Variants in DGKD observed in about 807,000 individuals in gnomAD.
DGKD encodes diacylglycerol kinase delta.
A neutral mutation model predicts 154.4 loss-of-function variants in DGKD; 68 were observed. The ratio of observed to expected loss-of-function variants is 0.44; its 90% CI spans 0.36 to 0.54. The LOEUF (loss-of-function observed/expected upper bound fraction) is 0.54. Among genes scored for constraint, DGKD ranks in the 20% least tolerant of loss-of-function variants. DGKD has a pLI of 0.00. For missense variants in DGKD, 1,343 were observed against 1,593.6 expected (o/e 0.84, Z 2.68); for synonymous variants, 693 against 638.0 (o/e 1.09, Z -1.30).
chr2:233,369,895 C>T (rs1702227410), intron 1 of DGKD, among the ~76,000 whole-genome samples: 1 of 152,160 alleles, frequency 6.6e-6, no homozygotes, highest in East Asian at 1.9e-4. Flanking sequence ...GTGTCTGCCT[C>T]CCTTTCCCCT....
rs891923220 is a variant in DGKD at position 233,470,836 on chromosome 2, G to A, written c.*1376G>A. The A allele has an allele frequency of 2.0e-5, 3 of 152,502 alleles. No individual in the cohort carries two copies. The South Asian group carries it at 6.2e-4, about 32-fold the overall frequency. 9.4% of individuals were successfully genotyped at this position (152,502 alleles called of 1,614,324 possible). ...CTCCCAAAGAGAAGGACAGTGTTGG[G>A]AGTATCTGCCGTGGCTTCTCTTTGG... On this transcript the variant is annotated 3_prime_UTR_variant, in exon 30 of 30. Transcript: ENST00000264057.
At chr2:233,415,979 A>G (rs1415671669) in intron 3 of DGKD, among the ~76,000 whole-genome samples, 2 of 152,170 alleles carry the variant, frequency 1.3e-5, no homozygotes, top group Non-Finnish European at 2.9e-5. Flanking sequence ...GAAAATAGAG[A>G]AAACCAGAGG....
At chr2:233,451,482 C>T (rs1244085676) in intron 17 of DGKD, among the ~76,000 whole-genome samples, 2 of 151,964 alleles carry the variant, frequency 1.3e-5, no homozygotes, top group Non-Finnish European at 2.9e-5. Flanking sequence ...GGAAGGCAGC[C>T]TTATAAAGCC....
intron 3 of DGKD, among the ~76,000 whole-genome samples, chr2:233,395,474 T>C (rs900881388): frequency 6.6e-6 from 1 of 152,136 alleles, no homozygotes; most frequent in Non-Finnish European, 1.5e-5. Context: ...CCAGCCATGC[T>C]TTCTTATTTT....
intron 1 of DGKD, among the ~76,000 whole-genome samples, chr2:233,364,238 C>G (rs1344006388): frequency 6.6e-6 from 1 of 152,142 alleles, no homozygotes; most frequent in Non-Finnish European, 1.5e-5. Flanking sequence ...TCAGAAAATA[C>G]AGTTGAAATA....
At chr2:233,463,086 A>G (rs2063702665) in intron 26 of DGKD, among the ~76,000 whole-genome samples, 1 of 152,178 alleles carries the variant, frequency 6.6e-6, no homozygotes, top group Non-Finnish European at 1.5e-5. Context: ...ACCGGCTGAT[A>G]TGGCAGCTGT....
In DGKD at chr2:233,440,296, T is replaced by C. The variant is rs909679443; in HGVS notation, c.1086-1591T>C. Among the ~76,000 whole-genome samples the C allele has an allele frequency of 6.6e-6, 1 of 152,130 alleles. No homozygotes were observed. The highest frequency in any genetic ancestry group is 6.5e-5 in the Admixed American group (1 of 15,276). On this transcript the variant is annotated intron_variant, in intron 9 of 29. Transcript: ENST00000264057. This position sits in a 1 kb window ranked among gnomAD's most constrained non-coding sequence, Gnocchi z 4.9. ...GCAGGGGGCCTTACAGGTGTCAGTG[T>C]TCTGTGTGGAGCCTGGGCTTGGTGC...
intron 10 of DGKD, among the ~76,000 whole-genome samples, chr2:233,444,639 G>A (rs2063005065): frequency 6.8e-6 from 1 of 146,492 alleles, no homozygotes; most frequent in African/African-American, 2.6e-5. Flanking sequence ...TCAGCACTGG[G>A]TTCTCTCCAT....
In DGKD at chr2:233,445,590, T is replaced by C; in HGVS notation, c.1195-33T>C. 6.4e-7 allele frequency: 1 copy of C among 1,570,558 alleles called. No individual in the cohort carries two copies. Among genetic ancestry groups the C allele is most frequent in the Non-Finnish European group, 8.6e-7 (1 of 1,156,776 alleles). On this transcript the variant is annotated intron_variant, in intron 10 of 29. Transcript: ENST00000264057. The surrounding 1 kb of genome is among the most constrained non-coding windows in gnomAD (Gnocchi z 5.5). ...GGGAAGTGGCCCCTGCCCCCAGGTGTTTGCCTGCGCATCGTCCCCCATGTT... is the reference window on the plus strand; with the variant it reads ...GGGAAGTGGCCCCTGCCCCCAGGTGCTTGCCTGCGCATCGTCCCCCATGTT...
chr2:233,458,415 G>T lies in DGKD; in HGVS notation c.2694+18G>T. 1 of 1,583,016 alleles carries T rather than the reference G, an allele frequency of 6.3e-7. No individual in the cohort carries two copies. The stretch of plus-strand genomic sequence containing the variant: ...TCGCCCAGGTAGTGGCCATGGTCCT[G>T]GGGTGTCTGGCCGAGTCCCCAGCCC... On this transcript the variant is annotated intron_variant, in intron 22 of 29. Coordinates refer to ENST00000264057, the MANE Select transcript of DGKD (RefSeq NM_152879.3). This position sits in a 1 kb window ranked among gnomAD's most constrained non-coding sequence, Gnocchi z 6.6.
chr2:233,460,496 A>G, intron 24 of DGKD, 151 bp downstream of exon 24: 1 of 1,039,620 alleles, frequency 9.6e-7, no homozygotes, highest in Non-Finnish European at 1.4e-6. Context: ...ATGTGCCCTC[A>G]GCTCTGGCTC....
intron 27 of DGKD, 152 bp downstream of exon 27, chr2:233,464,435 A>G (rs1285299990): frequency 6.2e-6 from 6 of 972,450 alleles, no homozygotes; most frequent in Non-Finnish European, 9.2e-6. Flanking sequence ...CGCTATTAAA[A>G]TGCTCTTTAA....
intron 3 of DGKD, among the ~76,000 whole-genome samples, chr2:233,408,090 T>A (rs751677234): frequency 1.3e-5 from 2 of 150,720 alleles, no homozygotes; most frequent in Non-Finnish European, 3.0e-5. Context: ...TTGCCCAGGC[T>A]GGAGTGCCGT....
rs138392426 is a variant in DGKD, at chr2:233,431,116, A to C, written c.349-3264A>C. Among the ~76,000 whole-genome samples the C allele has an allele frequency of 6.6e-5, 10 of 152,362 alleles. No homozygotes were observed. The East Asian group carries it at 1.7e-3, about 26-fold the overall frequency. ...CACCAAAAAAACTATTAAAACTGAT[A>C]AATTCAGTAGAGTTGCAGGATCCAA... is the stretch of plus-strand genomic sequence containing the variant. On this transcript the variant is annotated intron_variant, in intron 3 of 29. Coordinates refer to ENST00000264057, the MANE Select transcript of DGKD (RefSeq NM_152879.3).
chr2:233,458,089 C>G lies in DGKD; in HGVS notation c.2581-195C>G. ...GGAGAGAGAGATTCAGTAACTTTGC[C>G]GAGATGAGAGCTGGGATTTGGTCCC... is the stretch of plus-strand genomic sequence containing the variant. On this transcript the variant is annotated intron_variant, in intron 21 of 29. Transcript: ENST00000264057. The surrounding 1 kb of genome is among the most constrained non-coding windows in gnomAD (Gnocchi z 6.6). 1.9e-6 allele frequency: 1 copy of G among 520,972 alleles called. No individual in the cohort carries two copies. The highest frequency in any genetic ancestry group is 3.5e-6 in the Non-Finnish European group (1 of 288,574). 32.3% of individuals were successfully genotyped at this position (520,972 alleles called of 1,614,324 possible).
At position 233,438,087 on chromosome 2, in the gene DGKD, T is replaced by C; in HGVS notation, c.923-130T>C. On this transcript the variant is annotated intron_variant, in intron 8 of 29. Transcript: ENST00000264057. The surrounding 1 kb of genome is among the most constrained non-coding windows in gnomAD (Gnocchi z 4.1). ...TGTGGGGAACTGTTCACTGACCTCC[T>C]CCTGACTTACAGGTGTGCATGTGTC... 3 of 1,049,176 alleles carry C rather than the reference T, an allele frequency of 2.9e-6. No individual in the cohort carries two copies. The highest frequency in any genetic ancestry group is 4.5e-5 in the Admixed American group (2 of 44,376). 65.0% of individuals were successfully genotyped at this position (1,049,176 alleles called of 1,614,324 possible).
chr2:233,373,779 A>G (rs1702436724), intron 1 of DGKD, among the ~76,000 whole-genome samples: 1 of 152,244 alleles, frequency 6.6e-6, no homozygotes, highest in South Asian at 2.1e-4. Context: ...TGATATGAAT[A>G]GGATGTATTT....
chr2:233,412,335 C>T (rs1228751817), intron 3 of DGKD, among the ~76,000 whole-genome samples: 4 of 151,512 alleles, frequency 2.6e-5, no homozygotes, highest in Non-Finnish European at 4.4e-5. Context: ...ATGTCTTTAA[C>T]GTCTTTTGTT....
intron 1 of DGKD, among the ~76,000 whole-genome samples, chr2:233,355,449 C>T (rs1350330716): frequency 3.3e-5 from 5 of 152,242 alleles, no homozygotes; most frequent in African/African-American, 1.2e-4. Flanking sequence ...CTTCCTCAGG[C>T]AGGTGGCTGG....
Sources: gnomAD v4.1 joint callset for allele counts (sites outside exome capture counted in the v4.1 genomes callset) on GRCh38, gnomAD v4.1.1 for gene constraint, Gnocchi (gnomAD v3.1) non-coding constraint, MANE v1.5 for transcripts, NCBI Gene and HGNC (gene_info 2026-07-23, HGNC 2026-07-21) for gene names.